Variants in BIRC3 observed in about 807,000 individuals in gnomAD.
The protein encoded by BIRC3 is baculoviral IAP repeat-containing protein 3.
BIRC3 carries 26 observed loss-of-function variants against 59.0 expected under a neutral mutation model. The observed-to-expected ratio is 0.44, with a 90% CI of 0.32 to 0.61. The LOEUF (loss-of-function observed/expected upper bound fraction) is 0.61. Ranked by LOEUF, BIRC3 falls within the 20% of genes least tolerant of loss-of-function variation. BIRC3 has a pLI of 0.04. For synonymous variants in BIRC3, 243 were observed against 249.2 expected (o/e 0.98, Z 0.24); for missense variants, 641 against 711.5 (o/e 0.90, Z 1.13).
chr11:102,332,976 A>G lies in BIRC3; in HGVS notation c.1324+1735A>G, dbSNP rs145338982. Reference sequence around the variant, plus strand: ...ACTGTTGAGAGACCCCATAAAATCTAAAACTATCCACTTATAAAATATTTA... The same window carrying G: ...ACTGTTGAGAGACCCCATAAAATCTGAAACTATCCACTTATAAAATATTTA... On this transcript the variant is annotated intron_variant, in intron 6 of 8. Coordinates refer to ENST00000263464, the MANE Select transcript of BIRC3 (RefSeq NM_001165.5). Among the ~76,000 whole-genome samples, 346 of 152,318 alleles carry G rather than the reference A, an allele frequency of 2.3e-3. 1 individual carries two copies. Among genetic ancestry groups the G allele is most frequent in the Admixed American group, 6.2e-3 (95 of 15,298 alleles).
At chr11:102,319,854 AT>A (rs1167041923) in intron 1 of BIRC3, 1 of 152,326 alleles carries the variant, frequency 6.6e-6, no homozygotes, top group East Asian at 1.9e-4. Context: ...ATCTTGGCAT[AT>A]TTGTGTATAT....
intron 1 of BIRC3, among the ~76,000 whole-genome samples, chr11:102,321,495 C>T (rs921892260): frequency 1.3e-5 from 2 of 152,270 alleles, no homozygotes; most frequent in Admixed American, 6.5e-5. Context: ...GCTGGGATTA[C>T]AGGCGCGTAC....
At position 102,337,268 on chromosome 11, in the gene BIRC3, T is replaced by C. The variant is rs1951206785; in HGVS notation, c.*166T>C. 1 of 465,656 alleles carries C rather than the reference T, an allele frequency of 2.1e-6. No individual in the cohort carries two copies. Among genetic ancestry groups the C allele is most frequent in the East Asian group, 3.5e-5 (1 of 28,368 alleles). 28.8% of individuals were successfully genotyped at this position (465,656 alleles called of 1,614,324 possible). The stretch of plus-strand genomic sequence containing the variant: ...TATGTATCTAAACCATATGAACATA[T>C]ATTTTTTAGAAACTAAGAGAATGAT... On this transcript the variant is annotated 3_prime_UTR_variant, in exon 9 of 9. Transcript: ENST00000263464.
intron 1 of BIRC3, among the ~76,000 whole-genome samples, chr11:102,317,796 A>G (rs189855426): frequency 6.6e-6 from 1 of 152,286 alleles, no homozygotes; most frequent in African/African-American, 2.4e-5. Flanking sequence ...CAGGTGCTCA[A>G]TTTCTATTTC....
At chr11:102,336,832 G>T in intron 8 of BIRC3, 31 bp downstream of exon 8, 1 of 1,591,000 alleles carries the variant, frequency 6.3e-7, no homozygotes, top group Non-Finnish European at 8.5e-7. Context: ...AATCAATAGA[G>T]AACATTGTCT....
rs1053368112 is a variant in BIRC3, at chr11:102,333,317, C to T, written c.1324+2076C>T. ...GTGGCTCACACCTGTAATCACAGCA[C>T]TTTGGGAGGCTGAGGCAGGCAGATC... On this transcript the variant is annotated intron_variant, in intron 6 of 8. Coordinates refer to ENST00000263464, the MANE Select transcript of BIRC3 (RefSeq NM_001165.5). Among the ~76,000 whole-genome samples the T allele has an allele frequency of 1.3e-5, 2 of 151,716 alleles. 1 individual carries two copies. The highest frequency in any genetic ancestry group is 4.1e-4 in the South Asian group (2 of 4,820).
chr11:102,324,382 A>C lies in BIRC3; in HGVS notation c.-128A>C. Reference sequence around the variant, plus strand: ...ATGTTGAAACTCTAAATGCATAGAAATAAAAATAATAAAAAATTTTTCATT... The same window carrying C: ...ATGTTGAAACTCTAAATGCATAGAACTAAAAATAATAAAAAATTTTTCATT... On this transcript the variant is annotated 5_prime_UTR_variant, in exon 2 of 9. Coordinates refer to ENST00000263464, the MANE Select transcript of BIRC3 (RefSeq NM_001165.5). The C allele has an allele frequency of 1.9e-6, 2 of 1,075,452 alleles. No homozygotes were observed. Among genetic ancestry groups the C allele is most frequent in the Non-Finnish European group, 2.6e-6 (2 of 776,528 alleles). The allele number at this position is 1,075,452 out of a possible 1,614,324, so 66.6% of individuals were successfully genotyped here. A position where few individuals can be genotyped will look rare whatever the true frequency, so the allele number is the denominator to read the frequency against.
chr11:102,328,239 A>T (rs1036557531), intron 4 of BIRC3, 109 bp downstream of exon 4: 2 of 839,764 alleles, frequency 2.4e-6, no homozygotes, highest in Non-Finnish European at 3.8e-6. Context: ...TTAGAAATAC[A>T]TTTTCTTTTT....
At chr11:102,327,284 C>A (rs1411849666) in intron 3 of BIRC3, among the ~76,000 whole-genome samples, 1 of 152,134 alleles carries the variant, frequency 6.6e-6, no homozygotes, top group African/African-American at 2.4e-5. Flanking sequence ...CTTGAAATAG[C>A]CAGTCTACAA....
intron 1 of BIRC3, chr11:102,319,927 G>A (rs1951013974): frequency 6.6e-6 from 1 of 152,168 alleles, no homozygotes. Context: ...GCAGTGGTGT[G>A]ATCTTGGCTT....
At chr11:102,335,767 C>G (rs17879902) in intron 6 of BIRC3, among the ~76,000 whole-genome samples, 199 bp from the exon 7 acceptor site, 230 of 152,146 alleles carry the variant, frequency 1.5e-3, no homozygotes, top group African/African-American at 5.3e-3. Flanking sequence ...CAGGCATGTG[C>G]CACTGCACCC....
chr11:102,318,392 G>T (rs774659805), intron 1 of BIRC3, among the ~76,000 whole-genome samples: 3 of 152,120 alleles, frequency 2.0e-5, no homozygotes, highest in Non-Finnish European at 4.4e-5. Flanking sequence ...TGACTCTGTG[G>T]TCATTAATAT....
rs573703670 is a variant in BIRC3 at position 102,323,709 on chromosome 11, G to A, written c.-801G>A. On this transcript the variant is annotated 5_prime_UTR_variant, in exon 2 of 9. Coordinates refer to ENST00000263464, the MANE Select transcript of BIRC3 (RefSeq NM_001165.5). ...TTGGAGAGAAATTTTAGATTGTTTT[G>A]TTCTCCTTATTAGAAGGATTGTAGA... 36 of 198,966 alleles carry A rather than the reference G, an allele frequency of 1.8e-4. No homozygotes were observed. Among genetic ancestry groups the A allele is most frequent in the Non-Finnish European group, 3.1e-4 (30 of 96,626 alleles). The allele number at this position is 198,966 out of a possible 1,614,324, so 12.3% of individuals were successfully genotyped here. A position where few individuals can be genotyped will look rare whatever the true frequency, so the allele number is the denominator to read the frequency against.
chr11:102,339,208 G>GTT lies in BIRC3; in HGVS notation c.*2107_*2108insTT, dbSNP rs1364015961. The GTT allele has an allele frequency of 4.7e-5, 6 of 126,422 alleles. No homozygotes were observed. The highest frequency in any genetic ancestry group is 2.6e-4 in the African/African-American group (5 of 19,024). 7.8% of individuals were successfully genotyped at this position (126,422 alleles called of 1,614,324 possible). On this transcript the variant is annotated 3_prime_UTR_variant, in exon 9 of 9. Coordinates refer to ENST00000263464, the MANE Select transcript of BIRC3 (RefSeq NM_001165.5). ...ATAGTAGGCACCCTTTTTGCACCATGTGTTTTTTTTTTTATCTAGTTCTTG... is the reference window on the plus strand; with the variant it reads ...ATAGTAGGCACCCTTTTTGCACCATGTTTGTTTTTTTTTTTATCTAGTTCTTG...
Position 102,336,782 on chromosome 11 carries a change from TC to T in BIRC3, c.1605del (p.Thr536GlnfsTer32). 1 of 1,607,752 alleles carries T rather than the reference TC, an allele frequency of 6.2e-7. No homozygotes were observed. Among genetic ancestry groups the T allele is most frequent in the Non-Finnish European group, 8.5e-7 (1 of 1,177,184 alleles). Reference sequence around the variant, plus strand: ...TAGTGCAACAGGACATAAAATATATTCCCACAGAAGATGTTTCAGGTAATAG... The same window carrying T: ...TAGTGCAACAGGACATAAAATATATTCCACAGAAGATGTTTCAGGTAATAG... ...LFVQQDIKYI[P>X]TEDVSDLPVE... On this transcript the variant is annotated frameshift_variant, in exon 8 of 9. Coordinates refer to ENST00000263464, the MANE Select transcript of BIRC3 (RefSeq NM_001165.5). LOFTEE classifies it high-confidence loss of function.
Position 102,322,846 on chromosome 11 carries a change from T to C in BIRC3, c.-1664T>C, listed in dbSNP as rs17879998. On this transcript the variant is annotated 5_prime_UTR_variant, in exon 2 of 9. Transcript: ENST00000263464. ...ATTGGTCATTGCTAGTATTATCGACTCAGAACCTCTTTACTAATGGCTAGT... is the reference window on the plus strand; with the variant it reads ...ATTGGTCATTGCTAGTATTATCGACCCAGAACCTCTTTACTAATGGCTAGT... 6.3e-3 allele frequency: 1,134 copies of C among 180,832 alleles called. 6 individuals are homozygous for C. The highest frequency in any genetic ancestry group is 9.2e-3 in the Non-Finnish European group (802 of 87,548). 11.2% of individuals were successfully genotyped at this position (180,832 alleles called of 1,614,324 possible). A position where few individuals can be genotyped will look rare whatever the true frequency, so the allele number is the denominator to read the frequency against.
Position 102,325,338 on chromosome 11 carries a change from G to C in BIRC3, c.829G>C (p.Ala277Pro). Residue 277 changes from alanine (A) to proline (P), a missense_variant, in exon 2 of 9, where the codon GCA becomes CCA. This residue lies in a region of BIRC3 where 329 missense variants were observed against 365.6 expected (regional missense o/e 0.90). Coordinates refer to ENST00000263464, the MANE Select transcript of BIRC3 (RefSeq NM_001165.5). Reference protein sequence around the residue: ...SSVLVNPEQLASAGFYYVGNS... With the variant: ...SSVLVNPEQLPSAGFYYVGNS... ...TGTTCTAGTTAATCCTGAGCAGCTTGCAAGTGCGGGTTTTTATTATGTGGG... is the reference window on the plus strand; with the variant it reads ...TGTTCTAGTTAATCCTGAGCAGCTTCCAAGTGCGGGTTTTTATTATGTGGG... 1 of 1,598,952 alleles carries C rather than the reference G, an allele frequency of 6.3e-7. No individual in the cohort carries two copies.
At position 102,322,362 on chromosome 11, in the gene BIRC3, A is replaced by T. The variant is rs1951039069; in HGVS notation, c.-2148A>T. ...AAGAACAAAGCTTTTTGATATGTGC[A>T]ACAAATTTAGAGGAAGTAAAAAGAT... On this transcript the variant is annotated 5_prime_UTR_variant, in exon 2 of 9. Transcript: ENST00000263464. 1 of 206,416 alleles carries T rather than the reference A, an allele frequency of 4.8e-6. No homozygotes were observed. The highest frequency in any genetic ancestry group is 5.9e-5 in the Admixed American group (1 of 16,828). 12.8% of individuals were successfully genotyped at this position (206,416 alleles called of 1,614,324 possible).
chr11:102,325,270 C>A lies in BIRC3; in HGVS notation c.761C>A (p.Thr254Lys). The A allele has an allele frequency of 6.2e-7, 1 of 1,614,146 alleles. No homozygotes were observed. Among genetic ancestry groups the A allele is most frequent in the Non-Finnish European group, 8.5e-7 (1 of 1,180,020 alleles). Residue 254 changes from threonine to lysine, a missense_variant, in exon 2 of 9, where the codon ACA becomes AAA. Thr to Lys is a moderately conservative substitution (Grantham distance 78, BLOSUM62 -1). Transcript: ENST00000263464. ...RYTVSNLSMQ[T>K]HAARFKTFFN... ...ACAGTTTCTAATCTGAGCATGCAGA[C>A]ACATGCAGCCCGCTTTAAAACATTC...
Sources: gnomAD v4.1 joint callset for allele counts (sites outside exome capture counted in the v4.1 genomes callset) on GRCh38, gnomAD v4.1.1 for gene constraint, gnomAD v4.1.1 regional missense constraint, MANE v1.5 for transcripts, NCBI Gene and HGNC (gene_info 2026-07-23, HGNC 2026-07-21) for gene names.